Variants in ZNF385B observed in about 807,000 individuals in gnomAD.
ZNF385B encodes zinc finger protein 385B, also known as zinc finger protein 533.
In ZNF385B, 23 loss-of-function variants were observed where a neutral mutation model predicts 39.2. The observed-to-expected ratio is 0.59, with a 90% CI of 0.42 to 0.83. ZNF385B has a LOEUF of 0.83. Among genes scored for constraint, ZNF385B ranks in the 40% least tolerant of loss-of-function variants. The pLI is 0.00. For missense variants in ZNF385B, 552 were observed against 598.9 expected, an observed-to-expected ratio of 0.92 and a Z score of 0.82; for synonymous variants, 205 against 222.6, an observed-to-expected ratio of 0.92 and a Z score of 0.70.
chr2:179,518,737 T>C, intron 4 of ZNF385B, 99 bp from the exon 5 acceptor site: 2 of 638,108 alleles, frequency 3.1e-6, no homozygotes, highest in Non-Finnish European at 5.2e-6. Context: ...AAGTTTAAAC[T>C]TTTAGTTCCT....
At chr2:179,757,763 G>T (rs547200838) in intron 3 of ZNF385B, among the ~76,000 whole-genome samples, 103 of 152,290 alleles carry the variant, frequency 6.8e-4, no homozygotes, top group Admixed American at 2.5e-3. Flanking sequence ...CTCCAAGCCA[G>T]GTGCGGGATA....
At chr2:179,486,698 T>C (rs149145889) in intron 5 of ZNF385B, among the ~76,000 whole-genome samples, 1 of 152,314 alleles carries the variant, frequency 6.6e-6, no homozygotes, top group East Asian at 1.9e-4. Context: ...GAGTATCGCC[T>C]GAGCTTGGGA....
At chr2:179,764,484 G>T (rs1222263948) in intron 3 of ZNF385B, among the ~76,000 whole-genome samples, 1 of 151,492 alleles carries the variant, frequency 6.6e-6, no homozygotes, top group Non-Finnish European at 1.5e-5. Context: ...TTTATTATTT[G>T]CTTTCTGTTT....
chr2:179,857,673 G>A (rs538707904), intron 1 of ZNF385B, among the ~76,000 whole-genome samples: 5 of 152,270 alleles, frequency 3.3e-5, no homozygotes. Flanking sequence ...TAGGGAGGGG[G>A]AGCTAGTGGG....
chr2:179,571,458 ACTCTGCC>A (rs1685207661), intron 3 of ZNF385B, among the ~76,000 whole-genome samples: 2 of 152,158 alleles, frequency 1.3e-5, no homozygotes, highest in African/African-American at 4.8e-5. Context: ...CAGATGAGGC[ACTCTGCC>A]CAGGGCTCCA....
intron 3 of ZNF385B, among the ~76,000 whole-genome samples, chr2:179,545,371 T>C (rs923802380): frequency 6.6e-6 from 1 of 152,162 alleles, no homozygotes; most frequent in Non-Finnish European, 1.5e-5. Context: ...ACTGAATGGC[T>C]AGTGGACAGG....
intron 5 of ZNF385B, among the ~76,000 whole-genome samples, chr2:179,495,671 A>G (rs2056128347): frequency 6.6e-6 from 1 of 152,112 alleles, no homozygotes; most frequent in South Asian, 2.1e-4. Context: ...GAGACCCTAT[A>G]TGTTTGGGAG....
At chr2:179,518,134 T>C (rs1407231119) in intron 5 of ZNF385B, among the ~76,000 whole-genome samples, 1 of 152,210 alleles carries the variant, frequency 6.6e-6, no homozygotes, top group Non-Finnish European at 1.5e-5. Flanking sequence ...ATTAGTGAGA[T>C]TAATTGTAAA....
chr2:179,721,600 T>C (rs555951461), intron 3 of ZNF385B, among the ~76,000 whole-genome samples: 3 of 152,228 alleles, frequency 2.0e-5, no homozygotes, highest in Admixed American at 1.3e-4. Flanking sequence ...AAAAATTAAA[T>C]ATTGTGAACT....
At chr2:179,616,731 T>C (rs1256327507) in intron 3 of ZNF385B, among the ~76,000 whole-genome samples, 4 of 152,122 alleles carry the variant, frequency 2.6e-5, no homozygotes, top group African/African-American at 9.7e-5. Flanking sequence ...GGCTAATTTT[T>C]TTTATTTTCT....
chr2:179,535,960 G>A (rs1451168724), intron 4 of ZNF385B, among the ~76,000 whole-genome samples: 13 of 152,162 alleles, frequency 8.5e-5, no homozygotes, highest in South Asian at 2.1e-4. Context: ...ACAGATCTGC[G>A]TTGTTGGATG....
At chr2:179,610,788 T>A (rs2106131667) in intron 3 of ZNF385B, among the ~76,000 whole-genome samples, 1 of 152,254 alleles carries the variant, frequency 6.6e-6, no homozygotes, top group Admixed American at 6.5e-5. Context: ...TTCCTAGGTA[T>A]TTAATTTGTA....
At chr2:179,573,720 G>C (rs1387392689) in intron 3 of ZNF385B, among the ~76,000 whole-genome samples, 1 of 151,988 alleles carries the variant, frequency 6.6e-6, no homozygotes, top group Non-Finnish European at 1.5e-5. Flanking sequence ...AATAAAAAAC[G>C]GATGAGAAAG....
chr2:179,664,257 T>C (rs1694872321), intron 3 of ZNF385B, among the ~76,000 whole-genome samples: 1 of 152,164 alleles, frequency 6.6e-6, no homozygotes, highest in Admixed American at 6.5e-5. Flanking sequence ...TATCCATTAA[T>C]ATTTCATATT....
chr2:179,544,971 T>C lies in ZNF385B; in HGVS notation c.299-2A>G. On this transcript the variant is annotated splice_acceptor_variant, in intron 3 of 9. Transcript: ENST00000410066. LOFTEE classifies it high-confidence loss of function. ...GGGTAGTAGTGTGGCATGTACTGCC[T>C]GCCAAGAACAAAACAAAAATGAATT... The C allele has an allele frequency of 6.2e-7, 1 of 1,613,832 alleles. No homozygotes were observed. Among genetic ancestry groups the C allele is most frequent in the Non-Finnish European group, 8.5e-7 (1 of 1,179,804 alleles).
At chr2:179,445,052 T>C in intron 8 of ZNF385B, 75 bp from the exon 9 acceptor site, 10 of 1,295,998 alleles carry the variant, frequency 7.7e-6, no homozygotes, top group Non-Finnish European at 1.1e-5. Flanking sequence ...TAGGTAGCTA[T>C]TTTCTCCATT....
chr2:179,742,679 CATCTT>C (rs1197968975), intron 3 of ZNF385B, among the ~76,000 whole-genome samples: 1 of 151,954 alleles, frequency 6.6e-6, no homozygotes, highest in East Asian at 1.9e-4. Context: ...AAAGTATACT[CATCTT>C]AGCAACATAC....
chr2:179,722,606 C>G (rs532669191), intron 3 of ZNF385B, among the ~76,000 whole-genome samples: 211 of 152,038 alleles, frequency 1.4e-3, no homozygotes, highest in South Asian at 3.9e-3. Context: ...AGATTTAAAG[C>G]CAAATTATAG....
At chr2:179,500,843 C>G (rs1282252310) in intron 5 of ZNF385B, among the ~76,000 whole-genome samples, 2 of 152,146 alleles carry the variant, frequency 1.3e-5, no homozygotes, top group Non-Finnish European at 2.9e-5. Flanking sequence ...AACTACCTAT[C>G]TGACAAGGGA....
Sources: gnomAD v4.1 joint callset for allele counts (sites outside exome capture counted in the v4.1 genomes callset) on GRCh38, gnomAD v4.1.1 for gene constraint, MANE v1.5 for transcripts, NCBI Gene and HGNC (gene_info 2026-07-23, HGNC 2026-07-21) for gene names.